Variants in THNSL1 observed in about 807,000 individuals in gnomAD.
The protein encoded by THNSL1 is threonine synthase-like 1.
In THNSL1, 48 loss-of-function variants were observed where a neutral mutation model predicts 50.4. That is an observed-to-expected ratio of 0.95 (90% CI 0.76 to 1.21). THNSL1 has a LOEUF of 1.21. Among genes scored for constraint, THNSL1 ranks in the 50% most tolerant of loss-of-function variants. The pLI is 0.00. For synonymous variants in THNSL1, 309 were observed against 306.1 expected (o/e 1.01, Z -0.10); for missense variants, 896 against 871.7 (o/e 1.03, Z -0.35).
the THNSL1 span, among the ~76,000 whole-genome samples, chr10:25,000,225 T>G: frequency 6.6e-6 from 1 of 152,174 alleles, no homozygotes; most frequent in African/African-American, 2.4e-5. Flanking sequence ...TTTCTGACAT[T>G]TGTTTTATGG....
rs200126681 is a variant in THNSL1 at position 25,024,338 on chromosome 10, A to G, written c.1115A>G (p.Tyr372Cys). ...CACTGTATCCCACCAAGTTGCAATT[A>G]TATGATACTTGTAGCTACTTCAGGA... is the stretch of plus-strand genomic sequence containing the variant. ...FAHCIPPSCN[Y>C]MILVATSGDT... The change falls in exon 3 of 3, where the codon TAT becomes TGT. Residue 372 changes from tyrosine to cysteine, a missense_variant. By Grantham distance (194) the Tyr-to-Cys change is radical. Transcript: ENST00000376356. 2 of 1,614,090 alleles carry G rather than the reference A, an allele frequency of 1.2e-6. No homozygotes were observed. Among genetic ancestry groups the G allele is most frequent in the Non-Finnish European group, 8.5e-7 (1 of 1,180,038 alleles).
In THNSL1 at chr10:25,021,866, A is replaced by G. The variant is rs1234624575; in HGVS notation, c.-91A>G. On this transcript the variant is annotated 5_prime_UTR_variant, in exon 2 of 3. Coordinates refer to ENST00000376356, the MANE Select transcript of THNSL1 (RefSeq NM_024838.5). Reference sequence around the variant, plus strand: ...CAACACATATAAATTGAAAAGTCAAATAAGGAAATGAATTACCTCCCTTGA... The same window carrying G: ...CAACACATATAAATTGAAAAGTCAAGTAAGGAAATGAATTACCTCCCTTGA... 1 of 152,342 alleles carries G rather than the reference A, an allele frequency of 6.6e-6. No homozygotes were observed. The highest frequency in any genetic ancestry group is 1.9e-4 in the East Asian group (1 of 5,184). The allele number at this position is 152,342 out of a possible 1,614,324, so 9.4% of individuals were successfully genotyped here. A position where few individuals can be genotyped will look rare whatever the true frequency, so the allele number is the denominator to read the frequency against.
intron 1 of THNSL1, 172 bp downstream of exon 1, chr10:25,016,864 C>A (rs1050009387): frequency 6.5e-6 from 1 of 152,686 alleles, no homozygotes; most frequent in African/African-American, 2.4e-5. Flanking sequence ...CCCGTACCGT[C>A]CCTTCCCCTT....
chr10:24,986,993 C>T, the THNSL1 span, among the ~76,000 whole-genome samples: 1 of 152,150 alleles, frequency 6.6e-6, no homozygotes, highest in Non-Finnish European at 1.5e-5. Flanking sequence ...GTTTCATGCT[C>T]CTTTTGCACC....
At chr10:24,989,277 G>C in the THNSL1 span, among the ~76,000 whole-genome samples, 2 of 152,162 alleles carry the variant, frequency 1.3e-5, no homozygotes. Flanking sequence ...CTTCCTGCCT[G>C]TCTGCCTTCC....
At chr10:24,988,857 C>T in the THNSL1 span, among the ~76,000 whole-genome samples, 433 of 151,794 alleles carry the variant, frequency 2.9e-3, 5 homozygotes, top group African/African-American at 9.1e-3. Context: ...AGATTGTCAT[C>T]GAACTACATG....
chr10:25,019,004 G>C (rs10828740), intron 1 of THNSL1, among the ~76,000 whole-genome samples: 29 of 152,082 alleles, frequency 1.9e-4, no homozygotes, highest in Admixed American at 7.2e-4. Flanking sequence ...CCTCACCTCT[G>C]TTTCATGGCA....
At chr10:24,994,671 A>G in the THNSL1 span, among the ~76,000 whole-genome samples, 1 of 152,136 alleles carries the variant, frequency 6.6e-6, no homozygotes, top group African/African-American at 2.4e-5. Flanking sequence ...TAAGCTTTAT[A>G]AGTGCGCAAA....
upstream of THNSL1, among the ~76,000 whole-genome samples, chr10:25,013,940 C>A (rs1850507882): frequency 7.0e-6 from 1 of 143,704 alleles, no homozygotes; most frequent in Admixed American, 7.2e-5. Context: ...GAAACTCCGT[C>A]TTGAAAAAAA....
At chr10:25,012,675 C>CTGGACCCCCAT (rs1393676077), upstream of THNSL1, among the ~76,000 whole-genome samples, 1 of 152,244 alleles carries the variant, frequency 6.6e-6, no homozygotes, top group Non-Finnish European at 1.5e-5. Flanking sequence ...TACCCAATGC[C>CTGGACCCCCAT]TGGACCCCCA....
intron 2 of THNSL1, among the ~76,000 whole-genome samples, chr10:25,022,816 T>G (rs1476812244): frequency 6.6e-6 from 1 of 152,184 alleles, no homozygotes; most frequent in East Asian, 1.9e-4. Flanking sequence ...TAATTTTCAT[T>G]AAAAGATCTC....
the THNSL1 span, chr10:24,990,343 A>C: frequency 7.5e-7 from 1 of 1,335,914 alleles, no homozygotes; most frequent in South Asian, 1.6e-5. Flanking sequence ...ACTGTAACCC[A>C]AAGAGATTGT....
chr10:25,022,009 C>G (rs1850728404), intron 2 of THNSL1, 101 bp downstream of exon 2: 1 of 151,986 alleles, frequency 6.6e-6, no homozygotes, highest in East Asian at 1.9e-4. Flanking sequence ...TAAAAGTTTT[C>G]AGAACATATT....
At chr10:24,996,353 C>T in the THNSL1 span, among the ~76,000 whole-genome samples, 16 of 151,764 alleles carry the variant, frequency 1.1e-4, no homozygotes, top group South Asian at 2.1e-4. Context: ...GCCTGGGAGG[C>T]GGAGGTTGCA....
In THNSL1 at chr10:25,023,813, A is replaced by G. The variant is rs777095870; in HGVS notation, c.590A>G (p.Tyr197Cys). The change falls in exon 3 of 3, where the codon TAT (tyrosine) becomes TGT (cysteine). Residue 197 changes from tyrosine (Y) to cysteine (C), a missense_variant. By Grantham distance (194) the Tyr-to-Cys change is radical. Transcript: ENST00000376356. ...AGAAGACAGTATTATAAGAAGTGGT[A>G]TGATGCTCGTGTTTTCTGTGAAAGT... ...KFRRQYYKKW[Y>C]DARVFCESGA... The G allele has an allele frequency of 2.5e-6, 4 of 1,614,144 alleles. No homozygotes were observed. The highest frequency in any genetic ancestry group is 1.7e-5 in the Admixed American group (1 of 60,016).
chr10:24,971,197 C>T, the THNSL1 span, among the ~76,000 whole-genome samples: 3 of 152,044 alleles, frequency 2.0e-5, no homozygotes, highest in Non-Finnish European at 1.5e-5. Flanking sequence ...ACCCTGGGCT[C>T]AAGCAATTCT....
At chr10:24,985,068 A>G in the THNSL1 span, among the ~76,000 whole-genome samples, 1 of 152,220 alleles carries the variant, frequency 6.6e-6, no homozygotes, top group Admixed American at 6.5e-5. Flanking sequence ...CGGTAACCAA[A>G]AATACTGTAC....
the THNSL1 span, among the ~76,000 whole-genome samples, chr10:25,006,107 C>T: frequency 6.6e-6 from 1 of 152,200 alleles, no homozygotes; most frequent in South Asian, 2.1e-4. Context: ...TTCTATTAGA[C>T]TGTGCTGATC....
Position 25,024,410 on chromosome 10 carries a change from A to ATGATAAGCAAAGGATAGCTGTGGTTGC in THNSL1, c.1188_1214dup (p.Asp397_Ala405dup). On this transcript the variant is annotated inframe_insertion, in exon 3 of 3. Transcript: ENST00000376356. ...AATGGTTTTAGTCGTCTAAATAAGA[A>ATGATAAGCAAAGGATAGCTGTGGTTGC]TGATAAGCAAAGGATAGCTGTGGTT... 2 of 1,613,968 alleles carry ATGATAAGCAAAGGATAGCTGTGGTTGC rather than the reference A, an allele frequency of 1.2e-6. No individual in the cohort carries two copies. The highest frequency in any genetic ancestry group is 1.7e-6 in the Non-Finnish European group (2 of 1,180,026).
Sources: allele counts gnomAD v4.1 joint callset (sites outside exome capture counted in the v4.1 genomes callset), GRCh38; gene constraint gnomAD v4.1.1; transcripts MANE v1.5; gene names NCBI Gene and HGNC (gene_info 2026-07-23, HGNC 2026-07-21).